GNAQ: variants seen among roughly 807,000 people sequenced by gnomAD.
The protein encoded by GNAQ is G protein subunit alpha q.
Under a neutral mutation model 43.9 loss-of-function variants are expected in GNAQ, and 8 were observed. The ratio of observed to expected loss-of-function variants is 0.18; its 90% CI spans 0.11 to 0.33. GNAQ has a LOEUF of 0.33. Ranked by LOEUF, GNAQ falls within the 10% of genes least tolerant of loss-of-function variation. The pLI, the probability that GNAQ is intolerant of heterozygous loss-of-function variation, is 1.00. For synonymous variants in GNAQ, 155 were observed against 170.7 expected (o/e 0.91, Z 0.71); for missense variants, 158 against 450.8 (o/e 0.35, Z 5.88).
At chr9:77,808,175 A>T (rs1053656162) in intron 3 of GNAQ, among the ~76,000 whole-genome samples, 3 of 152,082 alleles carry the variant, frequency 2.0e-5, no homozygotes, top group African/African-American at 7.2e-5. Context: ...AGGCAGAGTG[A>T]AAAAATGATA....
At position 77,752,922 on chromosome 9, in the gene GNAQ, T is replaced by G. The variant is rs1474429034; in HGVS notation, c.736-24255A>C. 2.0e-5 allele frequency among the ~76,000 whole-genome samples: 3 copies of G among 151,710 alleles called. No homozygotes were observed. In the East Asian group the frequency reaches 5.8e-4, roughly 30 times the overall value. ...TAACATGGTGAAATCCTGTCTCTAC[T>G]AAAAATACAAAAAAAGTAGCAGGGT... On this transcript the variant is annotated intron_variant, in intron 5 of 6. Coordinates refer to ENST00000286548, the MANE Select transcript of GNAQ (RefSeq NM_002072.5).
At chr9:77,760,417 C>T (rs1027202533) in intron 5 of GNAQ, among the ~76,000 whole-genome samples, 4 of 152,172 alleles carry the variant, frequency 2.6e-5, no homozygotes, top group Admixed American at 6.5e-5. Flanking sequence ...CTGTGTTGGC[C>T]GGGCTGGCCT....
At chr9:77,993,515 T>C (rs539715591) in intron 1 of GNAQ, among the ~76,000 whole-genome samples, 3 of 152,010 alleles carry the variant, frequency 2.0e-5, no homozygotes, top group African/African-American at 4.8e-5. Flanking sequence ...TGGCCAACAA[T>C]TGTGAAACAC....
chr9:77,886,104 G>C (rs928779966), intron 2 of GNAQ, among the ~76,000 whole-genome samples: 4 of 152,114 alleles, frequency 2.6e-5, no homozygotes, highest in Non-Finnish European at 4.4e-5. Context: ...AGCCTCCTGA[G>C]TAGCTGGAAT....
intron 1 of GNAQ, among the ~76,000 whole-genome samples, chr9:77,998,986 G>C (rs962164426): frequency 6.6e-6 from 1 of 151,518 alleles, no homozygotes; most frequent in Non-Finnish European, 1.5e-5. Context: ...AGCTACTTCG[G>C]GGGGCTGAGG....
At chr9:77,957,271 G>C (rs1406671317) in intron 1 of GNAQ, among the ~76,000 whole-genome samples, 2 of 152,032 alleles carry the variant, frequency 1.3e-5, no homozygotes, top group Non-Finnish European at 2.9e-5. Context: ...CAGGAGAATT[G>C]CACGAACACG....
At chr9:77,884,044 G>T (rs1242161173) in intron 2 of GNAQ, among the ~76,000 whole-genome samples, 2 of 152,212 alleles carry the variant, frequency 1.3e-5, no homozygotes, top group African/African-American at 4.8e-5. Flanking sequence ...TCTAACTGCA[G>T]ATAAAATCTC....
intron 2 of GNAQ, among the ~76,000 whole-genome samples, chr9:77,895,175 G>A (rs1177628643): frequency 6.8e-6 from 1 of 147,650 alleles, no homozygotes; most frequent in African/African-American, 2.5e-5. Context: ...TCCAGCCTGG[G>A]TGACAGAGCG....
In GNAQ at chr9:77,807,651, T is replaced by C. The variant is rs185620920; in HGVS notation, c.476+7965A>G. On this transcript the variant is annotated intron_variant, in intron 3 of 6. Transcript: ENST00000286548. ...AGGACTGCTGAAGGAATGCAGGCCATTGCTTCACTCAGTACTCTAAAAGAT... is the reference window on the plus strand; with the variant it reads ...AGGACTGCTGAAGGAATGCAGGCCACTGCTTCACTCAGTACTCTAAAAGAT... Among the ~76,000 whole-genome samples, 15 of 152,278 alleles carry C rather than the reference T, an allele frequency of 9.9e-5. No homozygotes were observed. In the East Asian group the frequency reaches 2.3e-3, roughly 24 times the overall value.
At chr9:77,913,241 T>C (rs547537634) in intron 2 of GNAQ, among the ~76,000 whole-genome samples, 5 of 151,762 alleles carry the variant, frequency 3.3e-5, no homozygotes, top group Non-Finnish European at 5.9e-5. Context: ...GGAATGTTTA[T>C]ATTTGCAGTA....
At chr9:77,912,209 A>G (rs531999499) in intron 2 of GNAQ, among the ~76,000 whole-genome samples, 1 of 152,352 alleles carries the variant, frequency 6.6e-6, no homozygotes, top group African/African-American at 2.4e-5. Context: ...TATACAAAAT[A>G]GATCAATGGA....
intron 5 of GNAQ, among the ~76,000 whole-genome samples, chr9:77,774,745 G>A (rs1826282034): frequency 6.6e-6 from 1 of 152,154 alleles, no homozygotes; most frequent in Non-Finnish European, 1.5e-5. Flanking sequence ...TTACAGGTTT[G>A]AGCCACCATG....
chr9:77,855,733 T>C (rs1827743567), intron 2 of GNAQ, among the ~76,000 whole-genome samples: 1 of 151,928 alleles, frequency 6.6e-6, no homozygotes, highest in African/African-American at 2.4e-5. Flanking sequence ...TTTCACTACC[T>C]ACCAATAAAA....
At chr9:77,905,616 T>C (rs1315003509) in intron 2 of GNAQ, among the ~76,000 whole-genome samples, 2 of 152,202 alleles carry the variant, frequency 1.3e-5, no homozygotes, top group Non-Finnish European at 2.9e-5. Context: ...TTGCTTATTC[T>C]CACTTAAAAG....
intron 1 of GNAQ, among the ~76,000 whole-genome samples, chr9:77,925,280 C>T (rs145978091): frequency 6.6e-6 from 1 of 152,284 alleles, no homozygotes; most frequent in Admixed American, 6.5e-5. Flanking sequence ...GGAGGGCATC[C>T]TCTCTTTCTC....
chr9:77,886,957 A>G (rs1360410821), intron 2 of GNAQ, among the ~76,000 whole-genome samples: 1 of 28,170 alleles, frequency 3.5e-5, no homozygotes, highest in Non-Finnish European at 1.6e-4. Flanking sequence ...AAAGAAATAC[A>G]AAAAAAAAAA....
intron 1 of GNAQ, among the ~76,000 whole-genome samples, chr9:77,971,088 A>G (rs1823231555): frequency 6.6e-6 from 1 of 152,206 alleles, no homozygotes; most frequent in Non-Finnish European, 1.5e-5. Context: ...GAAGAAGTTG[A>G]ATCCCTGAAT....
intron 2 of GNAQ, among the ~76,000 whole-genome samples, chr9:77,828,146 G>T (rs758648169): frequency 2.1e-5 from 3 of 144,046 alleles, no homozygotes; most frequent in Non-Finnish European, 3.0e-5. Flanking sequence ...ACAAACCACT[G>T]CAGTTATAGA....
chr9:77,775,928 CAAATAAA>C (rs1334101692), intron 5 of GNAQ, among the ~76,000 whole-genome samples: 3 of 151,068 alleles, frequency 2.0e-5, no homozygotes, highest in African/African-American at 7.3e-5. Context: ...CTGTATCAAA[CAAATAAA>C]AAATAAAAGA....
Sources: gnomAD v4.1 joint callset for allele counts (sites outside exome capture counted in the v4.1 genomes callset) on GRCh38, gnomAD v4.1.1 for gene constraint, MANE v1.5 for transcripts, NCBI Gene and HGNC (gene_info 2026-07-23, HGNC 2026-07-21) for gene names.